Variants in CRB2 observed in about 807,000 individuals in gnomAD.
CRB2 encodes the protein protein crumbs homolog 2.
Under a neutral mutation model 110.9 loss-of-function variants are expected in CRB2, and 85 were observed. The ratio of observed to expected loss-of-function variants is 0.77; its 90% confidence interval spans 0.64 to 0.92. The LOEUF is 0.92. CRB2 is among the 40% of genes least tolerant of loss of function. The pLI is 0.00. For synonymous variants in CRB2, 907 were observed against 831.0 expected, an observed-to-expected ratio of 1.09 and a Z score of -1.57; for missense variants, 1,843 against 1,851.3, an observed-to-expected ratio of 1.00 and a Z score of 0.08.
At position 123,363,207 on chromosome 9, in the gene CRB2, C is replaced by T. The variant is rs1274395855; in HGVS notation, c.418+19C>T. On this transcript the variant is annotated intron_variant, in intron 2 of 12. Coordinates refer to ENST00000373631, the MANE Select transcript of CRB2 (RefSeq NM_173689.7). The stretch of plus-strand genomic sequence containing the variant: ...TATGCAGGTAACAGCCTGGGCCGCC[C>T]TGGGAGGAGGTCTGTAATGCAGATC... 5 of 1,581,096 alleles carry T rather than the reference C, an allele frequency of 3.2e-6. No individual in the cohort carries two copies. The South Asian group carries it at 4.5e-5, about 14-fold the overall frequency.
In CRB2 at chr9:123,377,263, C is replaced by G; in HGVS notation, c.*201C>G. The stretch of plus-strand genomic sequence containing the variant: ...AACAGAGGCCTAGAGAGGCTGCGGA[C>G]TTCTCCATCCCACCCTCGGGGTTCC... On this transcript the variant is annotated 3_prime_UTR_variant, in exon 13 of 13. Coordinates refer to ENST00000373631, the MANE Select transcript of CRB2 (RefSeq NM_173689.7). 1 of 580,732 alleles carries G rather than the reference C, an allele frequency of 1.7e-6. No individual in the cohort carries two copies. The highest frequency in any genetic ancestry group is 3.2e-5 in the Admixed American group (1 of 31,082). The allele number at this position is 580,732 out of a possible 1,614,324, so 36.0% of individuals were successfully genotyped here. A position where few individuals can be genotyped will look rare whatever the true frequency, so the allele number is the denominator to read the frequency against.
upstream of CRB2, among the ~76,000 whole-genome samples, chr9:123,354,199 C>T (rs1443023074): frequency 6.6e-6 from 1 of 152,234 alleles, no homozygotes; most frequent in African/African-American, 2.4e-5. Flanking sequence ...CCCCTCCATA[C>T]CCTCCAGACC....
At position 123,368,829 on chromosome 9, in the gene CRB2, C is replaced by T. The variant is rs1416974735; in HGVS notation, c.1054+1143C>T. The T allele has an allele frequency of 4.0e-6, 5 of 1,243,054 alleles. No homozygotes were observed. The African/African-American group carries it at 7.9e-5, about 20-fold the overall frequency. 77.0% of individuals were successfully genotyped at this position (1,243,054 alleles called of 1,614,324 possible). On this transcript the variant is annotated intron_variant, in intron 6 of 12. Transcript: ENST00000373631. ...CAGCTGGGCCAGGCAGGGAGCTCTGCCTCCTCCCCACTTCCCCAGCCTCAG... is the reference window on the plus strand; with the variant it reads ...CAGCTGGGCCAGGCAGGGAGCTCTGTCTCCTCCCCACTTCCCCAGCCTCAG...
In CRB2 at chr9:123,373,327, C is replaced by T. The variant is rs2042045430; in HGVS notation, c.2796C>T (p.Gly932=). 2.8e-6 allele frequency: 4 copies of T among 1,445,876 alleles called. No homozygotes were observed. The highest frequency in any genetic ancestry group is 3.0e-5 in the East Asian group (1 of 33,458). The allele number at this position is 1,445,876 out of a possible 1,614,324, so 89.6% of individuals were successfully genotyped here. A position where few individuals can be genotyped will look rare whatever the true frequency, so the allele number is the denominator to read the frequency against. ...LAVRNGSLAG[G]VRGGHGLPGA... The stretch of plus-strand genomic sequence containing the variant: ...TGCGCAATGGCTCGCTGGCGGGGGG[C>T]GTGCGCGGAGGCCATGGCCTGCCCG... The change falls in exon 10 of 13, where the codon GGC becomes GGT. Residue 932 remains glycine (G), a synonymous_variant. Coordinates refer to ENST00000373631, the MANE Select transcript of CRB2 (RefSeq NM_173689.7).
intron 9 of CRB2, 47 bp downstream of exon 9, chr9:123,372,389 A>G: frequency 6.5e-7 from 1 of 1,549,036 alleles, no homozygotes; most frequent in Non-Finnish European, 8.7e-7. Context: ...CTGGACACCT[A>G]AGCTGGTTAG....
In CRB2 at chr9:123,356,641, G is replaced by C. The variant is rs73569276; in HGVS notation, c.94+287G>C. 0.021 allele frequency among the ~76,000 whole-genome samples: 3,147 copies of C among 151,566 alleles called. 112 individuals carry two copies. The highest frequency in any genetic ancestry group is 0.073 in the African/African-American group (2,985 of 41,116). On this transcript the variant is annotated intron_variant, in intron 1 of 12. Transcript: ENST00000373631. ...TTTGGGGGAGCTGATGCGGGTGAGG[G>C]ATGGGGTGCGTGTTTTGGGAGGTGC...
At chr9:123,378,806 T>TTTTG (rs2042150736), downstream of CRB2, 1 of 52,192 alleles carries the variant, frequency 1.9e-5, no homozygotes, top group Admixed American at 2.5e-4. Flanking sequence ...CTGTTTTTTG[T>TTTTG]TTTTTTTTTT....
intron 1 of CRB2, among the ~76,000 whole-genome samples, chr9:123,357,189 C>A (rs2041809706): frequency 6.6e-6 from 1 of 152,132 alleles, no homozygotes; most frequent in South Asian, 2.1e-4. Context: ...TGAAGCCAGA[C>A]CACATTTGCC....
At chr9:123,360,412 C>T (rs1043198460) in intron 1 of CRB2, among the ~76,000 whole-genome samples, 3 of 152,184 alleles carry the variant, frequency 2.0e-5, no homozygotes, top group Non-Finnish European at 2.9e-5. Flanking sequence ...CAGCCTGGCC[C>T]GGGAAGGGGG....
At chr9:123,354,614 C>T (rs1457817353), upstream of CRB2, among the ~76,000 whole-genome samples, 1 of 152,174 alleles carries the variant, frequency 6.6e-6, no homozygotes, top group African/African-American at 2.4e-5. Flanking sequence ...TTTCCTGTGG[C>T]ATGGAGAGGG....
rs768791123 is a variant in CRB2, at chr9:123,373,195, G to A, written c.2664G>A (p.Ser888=). The A allele has an allele frequency of 6.6e-7, 1 of 1,513,778 alleles. No individual in the cohort carries two copies. The highest frequency in any genetic ancestry group is 2.0e-5 in the Admixed American group (1 of 49,034). 93.8% of individuals were successfully genotyped at this position (1,513,778 alleles called of 1,614,324 possible). ...PPAAFSGHNA[S]SGRLLGGLSL... is the part of the protein sequence containing the mutation. The stretch of plus-strand genomic sequence containing the variant: ...CCGCGTTCAGCGGGCACAACGCGTC[G>A]TCAGGGCGCTTGCTCGGCGGCCTGT... The change falls in exon 10 of 13, where the codon TCG becomes TCA. Residue 888 remains serine, a synonymous_variant. Coordinates refer to ENST00000373631, the MANE Select transcript of CRB2 (RefSeq NM_173689.7).
At chr9:123,375,891 C>T (rs997003202) in intron 12 of CRB2, among the ~76,000 whole-genome samples, 1 of 152,090 alleles carries the variant, frequency 6.6e-6, no homozygotes, top group Non-Finnish European at 1.5e-5. Flanking sequence ...CCCGCCACAC[C>T]CCTTCCTGGG....
chr9:123,359,431 TTTTTGTTTTG>T lies in CRB2; in HGVS notation c.94+3082_94+3091del, dbSNP rs1158769454. On this transcript the variant is annotated intron_variant, in intron 1 of 12. Transcript: ENST00000373631. ...TTCTTTTTTTGTTTGTGGTTTTTCGTTTTTGTTTTGTTTTTTTTTTTTTTTTTTTTTTTTT... is the reference window on the plus strand; with the variant it reads ...TTCTTTTTTTGTTTGTGGTTTTTCGTTTTTTTTTTTTTTTTTTTTTTTTTT... 3.0e-4 allele frequency among the ~76,000 whole-genome samples: 28 copies of T among 93,880 alleles called. 1 individual carries two copies. The highest frequency in any genetic ancestry group is 4.3e-4 in the Non-Finnish European group (21 of 48,980). The allele number at this position is 93,880 out of a possible 152,430, so 61.6% of individuals were successfully genotyped here.
chr9:123,360,158 C>G (rs1324767419), intron 1 of CRB2, among the ~76,000 whole-genome samples: 1 of 152,310 alleles, frequency 6.6e-6, no homozygotes, highest in East Asian at 1.9e-4. Flanking sequence ...TGGCACCCAC[C>G]TTTTCTGGTC....
Position 123,376,834 on chromosome 9 carries a change from G to A in CRB2, c.3634-4G>A. On this transcript the variant is annotated splice_region_variant and splice_polypyrimidine_tract_variant and intron_variant, in intron 12 of 12. Coordinates refer to ENST00000373631, the MANE Select transcript of CRB2 (RefSeq NM_173689.7). ...CTTAGGCCTCGGTGTCGTGTCTCTT[G>A]CAGAAGGGCCTGCCCCTGCCGCTGC... 6.2e-7 allele frequency: 1 copy of A among 1,603,992 alleles called. No individual in the cohort carries two copies. The highest frequency in any genetic ancestry group is 8.5e-7 in the Non-Finnish European group (1 of 1,177,166).
At chr9:123,372,777 A>C (rs967921071) in intron 9 of CRB2, among the ~76,000 whole-genome samples, 1 of 152,188 alleles carries the variant, frequency 6.6e-6, no homozygotes, top group African/African-American at 2.4e-5. Context: ...TACAAAGATG[A>C]CTGGCTGCAG....
At position 123,370,760 on chromosome 9, in the gene CRB2, C is replaced by G. The variant is rs1427412054; in HGVS notation, c.1707C>G (p.Ala569=). 3 of 1,602,840 alleles carry G rather than the reference C, an allele frequency of 1.9e-6. No homozygotes were observed. Among genetic ancestry groups the G allele is most frequent in the Non-Finnish European group, 2.5e-6 (3 of 1,179,944 alleles). ...ATPLPAGISS[A]QLGDATFAGC... is the part of the protein sequence containing the mutation. ...CGCTGCCTGCCGGGATCTCCTCTGC[C>G]CAGCTGGGGGACGCGACCTTTGCAG... is the stretch of plus-strand genomic sequence containing the variant. Residue 569 remains alanine (A), a synonymous_variant, in exon 7 of 13, where the codon GCC becomes GCG. Coordinates refer to ENST00000373631, the MANE Select transcript of CRB2 (RefSeq NM_173689.7).
At chr9:123,362,316 G>A (rs1223621142) in intron 1 of CRB2, among the ~76,000 whole-genome samples, 1 of 152,042 alleles carries the variant, frequency 6.6e-6, no homozygotes, top group Non-Finnish European at 1.5e-5. Context: ...GGAGGGGGCA[G>A]TGGGAGGAGC....
chr9:123,364,090 G>A (rs1003240603), intron 2 of CRB2, among the ~76,000 whole-genome samples: 3 of 152,214 alleles, frequency 2.0e-5, no homozygotes, highest in South Asian at 2.1e-4. Flanking sequence ...AGGGCAGGGG[G>A]CCTACAGCGA....
Sources: allele counts gnomAD v4.1 joint callset (sites outside exome capture counted in the v4.1 genomes callset), GRCh38; gene constraint gnomAD v4.1.1; transcripts MANE v1.5; gene names NCBI Gene and HGNC (gene_info 2026-07-23, HGNC 2026-07-21).